Variants in FAM168A observed in about 807,000 individuals in gnomAD.
The protein encoded by FAM168A is protein FAM168A.
In FAM168A, 3 loss-of-function variants were observed where a neutral mutation model predicts 28.5. That is an observed-to-expected ratio of 0.11 (90% CI 0.05 to 0.27). The LOEUF is 0.27. Among genes scored for constraint, FAM168A ranks in the 10% least tolerant of loss-of-function variants. The probability of loss-of-function intolerance (pLI) is 1.00; values close to 1 mark genes in which losing one functional copy is unlikely to be tolerated. For missense variants in FAM168A, 222 were observed against 311.5 expected (o/e 0.71, Z 2.16); for synonymous variants, 122 against 124.2 (o/e 0.98, Z 0.12).
At chr11:73,562,625 A>G (rs1943972816) in intron 1 of FAM168A, among the ~76,000 whole-genome samples, 1 of 152,098 alleles carries the variant, frequency 6.6e-6, no homozygotes, top group Non-Finnish European at 1.5e-5. Context: ...TGAGGAGATC[A>G]AGATCAACCT....
At chr11:73,438,291 G>A (rs181349699) in intron 2 of FAM168A, among the ~76,000 whole-genome samples, 8 of 152,328 alleles carry the variant, frequency 5.3e-5, no homozygotes, top group Non-Finnish European at 1.0e-4. Flanking sequence ...TGCTGAAAGT[G>A]TTATCAGAAT....
chr11:73,402,123 T>C lies in FAM168A; in HGVS notation c.*4640A>G, dbSNP rs774037346. Reference sequence around the variant, plus strand: ...CTGCCCCTCTCTGGATTCCCAAGCTTGGCAAGCAGCGGGGGCCGCACAGCC... The same window carrying C: ...CTGCCCCTCTCTGGATTCCCAAGCTCGGCAAGCAGCGGGGGCCGCACAGCC... On this transcript the variant is annotated 3_prime_UTR_variant, in exon 8 of 8. Transcript: ENST00000356467. 6.6e-6 allele frequency: 1 copy of C among 152,224 alleles called. No individual in the cohort carries two copies. Among genetic ancestry groups the C allele is most frequent in the Non-Finnish European group, 1.5e-5 (1 of 68,046 alleles). 9.4% of individuals were successfully genotyped at this position (152,224 alleles called of 1,614,324 possible).
chr11:73,402,296 G>C lies in FAM168A; in HGVS notation c.*4467C>G, dbSNP rs540005122. 3.3e-5 allele frequency: 5 copies of C among 152,350 alleles called. No homozygotes were observed. Among genetic ancestry groups the C allele is most frequent in the African/African-American group, 1.2e-4 (5 of 41,590 alleles). 9.4% of individuals were successfully genotyped at this position (152,350 alleles called of 1,614,324 possible). A position where few individuals can be genotyped will look rare whatever the true frequency, so the allele number is the denominator to read the frequency against. ...ATGGGGCCCACCCCCTCTGGGCACA[G>C]AACAAAGCTGAGGAATTTGATATGG... is the stretch of plus-strand genomic sequence containing the variant. On this transcript the variant is annotated 3_prime_UTR_variant, in exon 8 of 8. Transcript: ENST00000356467.
At chr11:73,572,359 C>T (rs1590740979) in intron 1 of FAM168A, among the ~76,000 whole-genome samples, 1 of 152,212 alleles carries the variant, frequency 6.6e-6, no homozygotes, top group African/African-American at 2.4e-5. Flanking sequence ...CCAGCTACCA[C>T]CCCGTCTGGG....
chr11:73,587,159 A>AC lies in FAM168A; in HGVS notation c.-19+10763_-19+10764insG, dbSNP rs1257790560. Among the ~76,000 whole-genome samples, 115 of 142,768 alleles carry AC rather than the reference A, an allele frequency of 8.1e-4. 3 individuals are homozygous for AC. Among genetic ancestry groups the AC allele is most frequent in the Non-Finnish European group, 2.0e-4 (13 of 64,980 alleles). The allele number at this position is 142,768 out of a possible 152,430, so 93.7% of individuals were successfully genotyped here. ...CATTCTTCATGGACATGTTAAAAAAAAAAAAAAAAAAAAAAAAAACTAAGT... is the reference window on the plus strand; with the variant it reads ...CATTCTTCATGGACATGTTAAAAAAACAAAAAAAAAAAAAAAAAAACTAAGT... On this transcript the variant is annotated intron_variant, in intron 1 of 7. Transcript: ENST00000356467.
chr11:73,585,871 C>CAAAA (rs11358691), intron 1 of FAM168A, among the ~76,000 whole-genome samples: 81 of 81,610 alleles, frequency 9.9e-4, no homozygotes, highest in Admixed American at 1.2e-3. Flanking sequence ...CCATCTCAAA[C>CAAAA]AAAAAAAAAA....
At chr11:73,530,033 C>T (rs1242020318) in intron 1 of FAM168A, among the ~76,000 whole-genome samples, 2 of 151,960 alleles carry the variant, frequency 1.3e-5, no homozygotes, top group Non-Finnish European at 2.9e-5. Context: ...GTGATACATC[C>T]ACCTCAGCCT....
chr11:73,510,117 G>C (rs1855191504), intron 1 of FAM168A, among the ~76,000 whole-genome samples: 2 of 152,112 alleles, frequency 1.3e-5, no homozygotes, highest in Admixed American at 1.3e-4. Context: ...TAGTGTACTA[G>C]AAAGAAGACT....
intron 1 of FAM168A, among the ~76,000 whole-genome samples, chr11:73,545,097 C>A (rs1404771502): frequency 1.4e-5 from 2 of 139,284 alleles, no homozygotes; most frequent in Non-Finnish European, 3.0e-5. Flanking sequence ...ACAATCTTGG[C>A]TCACTACAAC....
intron 1 of FAM168A, among the ~76,000 whole-genome samples, chr11:73,554,764 G>T (rs1161170783): frequency 6.6e-6 from 1 of 152,194 alleles, no homozygotes; most frequent in East Asian, 1.9e-4. Context: ...AATACAATGG[G>T]AGAGCAATAA....
chr11:73,591,723 T>C (rs61516411), intron 1 of FAM168A, among the ~76,000 whole-genome samples: 30,257 of 152,060 alleles, frequency 0.2, 4,797 homozygotes, highest in African/African-American at 0.44. Flanking sequence ...TTGATCAGAT[T>C]GGTCTTGAAC....
At chr11:73,594,533 G>T (rs951770024) in intron 1 of FAM168A, among the ~76,000 whole-genome samples, 3 of 149,040 alleles carry the variant, frequency 2.0e-5, no homozygotes, top group Non-Finnish European at 2.9e-5. Flanking sequence ...AAGGTTTTTT[G>T]TTTGTTTTTT....
Position 73,404,478 on chromosome 11 carries a change from A to T in FAM168A, c.*2285T>A, listed in dbSNP as rs191739223. 1.3e-5 allele frequency: 2 copies of T among 152,338 alleles called. No homozygotes were observed. Among genetic ancestry groups the T allele is most frequent in the Admixed American group, 1.3e-4 (2 of 15,302 alleles). The allele number at this position is 152,338 out of a possible 1,614,324, so 9.4% of individuals were successfully genotyped here. ...ATTATTATTTTGGCATTTTTCAAAC[A>T]CGTATGACATAATCTAGAACAACCT... On this transcript the variant is annotated 3_prime_UTR_variant, in exon 8 of 8. Transcript: ENST00000356467.
chr11:73,526,245 A>T (rs1388976792), intron 1 of FAM168A, among the ~76,000 whole-genome samples: 2 of 152,230 alleles, frequency 1.3e-5, no homozygotes, highest in South Asian at 2.1e-4. Context: ...ATAAATATTT[A>T]AAAAATTAAC....
chr11:73,490,750 A>C (rs1868116476), intron 1 of FAM168A, among the ~76,000 whole-genome samples: 1 of 151,992 alleles, frequency 6.6e-6, no homozygotes, highest in Non-Finnish European at 1.5e-5. Context: ...AACAAACTCA[A>C]CATTATAGTT....
chr11:73,460,559 A>G (rs1867628545), intron 2 of FAM168A, among the ~76,000 whole-genome samples: 1 of 138,060 alleles, frequency 7.2e-6, no homozygotes, highest in Admixed American at 7.9e-5. Context: ...GCTGGAGTAT[A>G]GTGGCACAAT....
rs1052925333 is a variant in FAM168A, at chr11:73,404,928, C to T, written c.*1835G>A. The T allele has an allele frequency of 6.6e-6, 1 of 152,256 alleles. No homozygotes were observed. The highest frequency in any genetic ancestry group is 2.4e-5 in the African/African-American group (1 of 41,468). 9.4% of individuals were successfully genotyped at this position (152,256 alleles called of 1,614,324 possible). ...CAATAAAATGTTCGTGCCCCACCCC[C>T]AGAGGGGCTGCTGGCCCAGCCAAGC... On this transcript the variant is annotated 3_prime_UTR_variant, in exon 8 of 8. Coordinates refer to ENST00000356467, the MANE Select transcript of FAM168A (RefSeq NM_015159.3).
intron 2 of FAM168A, among the ~76,000 whole-genome samples, chr11:73,459,642 T>C (rs1295743883): frequency 2.0e-5 from 3 of 152,256 alleles, no homozygotes; most frequent in East Asian, 1.9e-4. Context: ...ATAGGTAATA[T>C]AAGAGGTTTG....
intron 2 of FAM168A, among the ~76,000 whole-genome samples, chr11:73,465,964 GGA>G (rs3073508): frequency 1.1e-4 from 17 of 149,184 alleles, no homozygotes; most frequent in East Asian, 2.0e-4. Context: ...GCTTTAAAAG[GGA>G]GAGAGAGAGA....
Sources: allele counts gnomAD v4.1 joint callset (sites outside exome capture counted in the v4.1 genomes callset), GRCh38; gene constraint gnomAD v4.1.1; transcripts MANE v1.5; gene names NCBI Gene and HGNC (gene_info 2026-07-23, HGNC 2026-07-21).